The following NYAP2 variants were observed in gnomAD, a reference collection of about 807,000 sequenced individuals.
The protein encoded by NYAP2 is neuronal tyrosine-phosphorylated phosphoinositide-3-kinase adapter 2.
In NYAP2, 23 loss-of-function variants were observed where a neutral mutation model predicts 50.4. The ratio of observed to expected loss-of-function variants is 0.46; its 90% CI spans 0.33 to 0.65. The LOEUF (loss-of-function observed/expected upper bound fraction) is 0.65. Among genes scored for constraint, NYAP2 ranks in the 30% least tolerant of loss-of-function variants. The probability of loss-of-function intolerance (pLI) is 0.02; values close to 1 mark genes in which losing one functional copy is unlikely to be tolerated. For missense variants in NYAP2, 885 were observed against 861.0 expected (o/e 1.03, Z -0.35); for synonymous variants, 394 against 365.2 (o/e 1.08, Z -0.90).
At chr2:225,623,915 C>A (rs1213621219) in intron 5 of NYAP2, among the ~76,000 whole-genome samples, 1 of 152,168 alleles carries the variant, frequency 6.6e-6, no homozygotes, top group Non-Finnish European at 1.5e-5. Flanking sequence ...TAGCAACCTG[C>A]TGGTTTATTT....
At chr2:225,600,733 C>T (rs1692678518) in intron 5 of NYAP2, among the ~76,000 whole-genome samples, 1 of 152,214 alleles carries the variant, frequency 6.6e-6, no homozygotes, top group Non-Finnish European at 1.5e-5. Flanking sequence ...TAATAATTCC[C>T]AATCCCCTCT....
At chr2:225,551,988 T>A (rs1691686698) in intron 4 of NYAP2, among the ~76,000 whole-genome samples, 1 of 152,178 alleles carries the variant, frequency 6.6e-6, no homozygotes, top group Non-Finnish European at 1.5e-5. Context: ...AATATTTGTA[T>A]TTTTAGTAAA....
intron 4 of NYAP2, among the ~76,000 whole-genome samples, chr2:225,556,543 G>A (rs1238854005): frequency 6.6e-6 from 1 of 152,120 alleles, no homozygotes; most frequent in East Asian, 1.9e-4. Context: ...TCAGTCATTA[G>A]TATCCACCTG....
intron 5 of NYAP2, among the ~76,000 whole-genome samples, chr2:225,624,693 G>A (rs1693177685): frequency 6.6e-6 from 1 of 152,002 alleles, no homozygotes; most frequent in Non-Finnish European, 1.5e-5. Context: ...ACTAATAAAG[G>A]CCAAATGACT....
intron 3 of NYAP2, among the ~76,000 whole-genome samples, chr2:225,472,278 C>A (rs554800771): frequency 6.6e-6 from 1 of 152,298 alleles, no homozygotes. Context: ...TTGCTTTTTA[C>A]TTTTATTTGG....
intron 3 of NYAP2, among the ~76,000 whole-genome samples, chr2:225,441,503 T>C (rs1326911148): frequency 6.6e-6 from 1 of 152,172 alleles, no homozygotes; most frequent in Non-Finnish European, 1.5e-5. Context: ...CTGGCTAATT[T>C]ATGAAGAAAA....
At chr2:225,425,438 C>T (rs1381561509) in intron 3 of NYAP2, among the ~76,000 whole-genome samples, 1 of 152,128 alleles carries the variant, frequency 6.6e-6, no homozygotes, top group Non-Finnish European at 1.5e-5. Context: ...TGTTAGAGGC[C>T]ATTAAGCAAA....
intron 4 of NYAP2, among the ~76,000 whole-genome samples, chr2:225,523,415 A>T (rs73084704): frequency 3.3e-5 from 5 of 152,086 alleles, no homozygotes; most frequent in African/African-American, 1.2e-4. Context: ...ACATCAATAA[A>T]ATTTTATATG....
At chr2:225,414,731 G>T (rs80240620) in intron 3 of NYAP2, among the ~76,000 whole-genome samples, 1,628 of 152,050 alleles carry the variant, frequency 0.011, 27 homozygotes, top group African/African-American at 0.037. Flanking sequence ...ATCAAGTGAC[G>T]ATATTCACTG....
chr2:225,538,960 A>G (rs1691407798), intron 4 of NYAP2, among the ~76,000 whole-genome samples: 1 of 151,766 alleles, frequency 6.6e-6, no homozygotes, highest in Non-Finnish European at 1.5e-5. Flanking sequence ...CCCGTCATCT[A>G]CATTAGATAT....
chr2:225,532,276 T>G (rs1285352086), intron 4 of NYAP2, among the ~76,000 whole-genome samples: 1 of 152,150 alleles, frequency 6.6e-6, no homozygotes, highest in Non-Finnish European at 1.5e-5. Context: ...TAAGGTGGAG[T>G]GACTGCCTGT....
At chr2:225,466,448 T>A (rs1689919815) in intron 3 of NYAP2, among the ~76,000 whole-genome samples, 2 of 152,214 alleles carry the variant, frequency 1.3e-5, no homozygotes, top group South Asian at 4.1e-4. Context: ...AATATTTTAA[T>A]TATTTTCTTT....
chr2:225,531,488 A>G (rs988001414), intron 4 of NYAP2, among the ~76,000 whole-genome samples: 2 of 152,172 alleles, frequency 1.3e-5, no homozygotes, highest in African/African-American at 4.8e-5. Flanking sequence ...TCCCAATGAG[A>G]CTATACCTTA....
At chr2:225,652,949 T>C (rs930496210) in exon 7 of NYAP2, 2 of 152,256 alleles carry the variant, frequency 1.3e-5, no homozygotes, top group Non-Finnish European at 1.5e-5. Flanking sequence ...TCAAGTACCA[T>C]TTAGAATTTC....
At chr2:225,578,299 T>C (rs1247829833) in intron 4 of NYAP2, among the ~76,000 whole-genome samples, 7 of 151,986 alleles carry the variant, frequency 4.6e-5, no homozygotes, top group Non-Finnish European at 7.4e-5. Context: ...TTGCTTGAAC[T>C]TTATGAATCT....
chr2:225,500,684 G>A (rs1424365684), intron 3 of NYAP2, among the ~76,000 whole-genome samples: 1 of 152,184 alleles, frequency 6.6e-6, no homozygotes, highest in Non-Finnish European at 1.5e-5. Flanking sequence ...GGCGAATGCT[G>A]TAGGTTTAAG....
chr2:225,670,074 C>T, the NYAP2 span, among the ~76,000 whole-genome samples: 1 of 152,176 alleles, frequency 6.6e-6, no homozygotes. Flanking sequence ...GTGGTATTTG[C>T]AGGCCCTACT....
chr2:225,637,374 G>C (rs1347466569), intron 6 of NYAP2, among the ~76,000 whole-genome samples: 2 of 152,136 alleles, frequency 1.3e-5, no homozygotes, highest in Admixed American at 1.3e-4. Flanking sequence ...CTAACTTCCT[G>C]CTTGGCTCCA....
chr2:225,501,535 C>G (rs1274491925), intron 3 of NYAP2, among the ~76,000 whole-genome samples: 1 of 152,138 alleles, frequency 6.6e-6, no homozygotes, highest in Admixed American at 6.5e-5. Context: ...GGTCACAAAA[C>G]TAGTTTGTAA....
Sources: gnomAD v4.1 joint callset for allele counts (sites outside exome capture counted in the v4.1 genomes callset) on GRCh38, gnomAD v4.1.1 for gene constraint, MANE v1.5 for transcripts, NCBI Gene and HGNC (gene_info 2026-07-23, HGNC 2026-07-21) for gene names.